VIPR2: variants seen among roughly 807,000 people sequenced by gnomAD.
VIPR2 encodes vasoactive intestinal peptide receptor 2, also known as vasoactive intestinal polypeptide receptor 2.
A neutral mutation model predicts 58.0 loss-of-function variants in VIPR2; 48 were observed. The observed-to-expected ratio is 0.83, with a 90% confidence interval of 0.66 to 1.05. VIPR2 has a LOEUF of 1.05. Ranked by LOEUF, VIPR2 falls within the 50% of genes least tolerant of loss-of-function variation. The pLI is 0.00. For missense variants in VIPR2, 534 were observed against 558.0 expected (o/e 0.96, Z 0.43); for synonymous variants, 243 against 235.2 (o/e 1.03, Z -0.30).
chr7:159,046,651 G>T (rs1434803957), intron 5 of VIPR2, among the ~76,000 whole-genome samples: 2 of 152,158 alleles, frequency 1.3e-5, no homozygotes, highest in Non-Finnish European at 2.9e-5. Flanking sequence ...AAGGAATTGT[G>T]TACCTTAAGA....
intron 7 of VIPR2, 30 bp downstream of exon 7, chr7:159,036,722 G>A (rs1471147646): frequency 6.3e-7 from 1 of 1,599,334 alleles, no homozygotes; most frequent in Admixed American, 1.7e-5. Flanking sequence ...ATGGGATGGA[G>A]GGTTTGTGGG....
In VIPR2 at chr7:159,099,768, T is replaced by C. The variant is rs1585490491; in HGVS notation, c.357+3989A>G. ...CGGGGATCCCACCTGGACCTTGAAA[T>C]CCCCCCCAGGCCACAGAAGCCCCTG... is the stretch of plus-strand genomic sequence containing the variant. On this transcript the variant is annotated intron_variant, in intron 4 of 12. Coordinates refer to ENST00000262178, the MANE Select transcript of VIPR2 (RefSeq NM_003382.5). The surrounding 1 kb of genome is among the most constrained non-coding windows in gnomAD (Gnocchi z 4.2). 6.6e-6 allele frequency among the ~76,000 whole-genome samples: 1 copy of C among 151,150 alleles called. No homozygotes were observed. Among genetic ancestry groups the C allele is most frequent in the Non-Finnish European group, 1.5e-5 (1 of 67,810 alleles).
intron 2 of VIPR2, among the ~76,000 whole-genome samples, chr7:159,113,497 T>G (rs1796120741): frequency 6.6e-6 from 1 of 152,086 alleles, no homozygotes; most frequent in African/African-American, 2.4e-5. Flanking sequence ...CTTCACCATC[T>G]CGGTGTCTGA....
intron 2 of VIPR2, among the ~76,000 whole-genome samples, chr7:159,141,119 A>G (rs1463553121): frequency 6.6e-6 from 1 of 152,164 alleles, no homozygotes; most frequent in Non-Finnish European, 1.5e-5. Context: ...TTTCACTGGA[A>G]GAAGGACCTC....
intron 2 of VIPR2, among the ~76,000 whole-genome samples, chr7:159,139,891 A>C (rs897427773): frequency 2.0e-5 from 3 of 152,276 alleles, no homozygotes; most frequent in African/African-American, 7.2e-5. Flanking sequence ...GGGCCATGGA[A>C]ACAGGGCTGG....
intron 2 of VIPR2, among the ~76,000 whole-genome samples, chr7:159,141,351 C>T (rs915407223): frequency 2.0e-5 from 3 of 152,248 alleles, no homozygotes; most frequent in Non-Finnish European, 4.4e-5. Flanking sequence ...GAAGAAGCCT[C>T]GGAGGCAGAG....
chr7:159,050,817 C>T (rs1174372853), intron 5 of VIPR2, among the ~76,000 whole-genome samples: 3 of 152,060 alleles, frequency 2.0e-5, no homozygotes, highest in Non-Finnish European at 4.4e-5. Context: ...TGAAGAAAAC[C>T]ACCTTAAGTC....
At position 159,135,004 on chromosome 7, in the gene VIPR2, G is replaced by GTTTTTTTTTTTTTT. The variant is rs747914292; in HGVS notation, c.151+7428_151+7441dup. ...TATTGGTCTTCTCTTAATTACAAAA[G>GTTTTTTTTTTTTTT]TTTTTTTTTTTTTTTTTTTTTTTTT... On this transcript the variant is annotated intron_variant, in intron 2 of 12. Transcript: ENST00000262178. Among the ~76,000 whole-genome samples, 120 of 65,864 alleles carry GTTTTTTTTTTTTTT rather than the reference G, an allele frequency of 1.8e-3. 3 individuals carry two copies. Among genetic ancestry groups the GTTTTTTTTTTTTTT allele is most frequent in the Non-Finnish European group, 2.8e-3 (100 of 35,212 alleles). The allele number at this position is 65,864 out of a possible 152,430, so 43.2% of individuals were successfully genotyped here.
intron 2 of VIPR2, among the ~76,000 whole-genome samples, chr7:159,133,464 G>GA (rs1338525345): frequency 2.0e-5 from 3 of 152,270 alleles, no homozygotes; most frequent in Admixed American, 6.5e-5. Context: ...GAACACTGTA[G>GA]AAAAAAACTG....
At chr7:159,066,104 G>C (rs979815571) in intron 4 of VIPR2, among the ~76,000 whole-genome samples, 1 of 150,140 alleles carries the variant, frequency 6.7e-6, no homozygotes, top group African/African-American at 2.5e-5. Context: ...TGCAGCGTCC[G>C]TGGGATTCCA....
Position 159,030,596 on chromosome 7 carries a change from T to C in VIPR2, c.*20A>G. 1 of 1,513,474 alleles carries C rather than the reference T, an allele frequency of 6.6e-7. No homozygotes were observed. Among genetic ancestry groups the C allele is most frequent in the Non-Finnish European group, 8.9e-7 (1 of 1,127,526 alleles). The allele number at this position is 1,513,474 out of a possible 1,614,324, so 93.8% of individuals were successfully genotyped here. A position where few individuals can be genotyped will look rare whatever the true frequency, so the allele number is the denominator to read the frequency against. The stretch of plus-strand genomic sequence containing the variant: ...CCCGAACCGTGGGCCTCCCGCCGCG[T>C]CCGACAGGCAGGGGTGGGGCTAGAT... On this transcript the variant is annotated 3_prime_UTR_variant, in exon 13 of 13. Transcript: ENST00000262178.
intron 6 of VIPR2, among the ~76,000 whole-genome samples, chr7:159,041,236 C>T (rs531248560): frequency 4.1e-4 from 62 of 152,342 alleles, no homozygotes; most frequent in African/African-American, 1.3e-3. Context: ...CAGGCCCTCC[C>T]GGTGGGGCAG....
intron 4 of VIPR2, among the ~76,000 whole-genome samples, chr7:159,078,679 C>T (rs1196230296): frequency 1.3e-5 from 2 of 152,196 alleles, no homozygotes; most frequent in Non-Finnish European, 2.9e-5. Flanking sequence ...TTACATTAGG[C>T]AACCACACAG....
intron 4 of VIPR2, among the ~76,000 whole-genome samples, chr7:159,068,371 T>C (rs1054942956): frequency 3.3e-5 from 5 of 152,242 alleles, no homozygotes; most frequent in African/African-American, 9.6e-5. Flanking sequence ...TCAGCATTAA[T>C]GGCAAAGCCA....
intron 2 of VIPR2, among the ~76,000 whole-genome samples, chr7:159,135,875 G>A (rs1442854448): frequency 1.3e-5 from 2 of 152,090 alleles, no homozygotes; most frequent in African/African-American, 2.4e-5. Context: ...AATGTCAGCC[G>A]GACGGTTTAA....
chr7:159,031,887 G>A lies in VIPR2; in HGVS notation c.1102-18C>T. On this transcript the variant is annotated intron_variant, in intron 11 of 12. Transcript: ENST00000262178. This position sits in a 1 kb window ranked among gnomAD's most constrained non-coding sequence, Gnocchi z 4.0. The stretch of plus-strand genomic sequence containing the variant: ...ACCAGGCCCTGCAATGAGAAGAGAT[G>A]GTCAGGCAGGACCCGCGCTCGGGGG... 1 of 1,614,084 alleles carries A rather than the reference G, an allele frequency of 6.2e-7. No homozygotes were observed. The highest frequency in any genetic ancestry group is 8.5e-7 in the Non-Finnish European group (1 of 1,180,024).
intron 4 of VIPR2, among the ~76,000 whole-genome samples, chr7:159,087,265 T>A (rs1283402037): frequency 8.4e-6 from 1 of 119,180 alleles, no homozygotes; most frequent in African/African-American, 3.4e-5. Context: ...ATAACCACAC[T>A]CTGCCAGGAT....
intron 2 of VIPR2, among the ~76,000 whole-genome samples, chr7:159,112,450 TTCTC>T (rs1223286680): frequency 2.0e-5 from 3 of 152,216 alleles, no homozygotes; most frequent in Admixed American, 1.3e-4. Flanking sequence ...ACACAGGAGT[TTCTC>T]TCTCAGCTTC....
Position 159,144,732 on chromosome 7 carries a change from G to A in VIPR2, c.40C>T (p.Leu14=). ...GCGGGCGCACTCACGGGGGCGAGCAGCCAGCAGGTCAGCAGCGCGGGAGGC... is the reference window on the plus strand; with the variant it reads ...GCGGGCGCACTCACGGGGGCGAGCAACCAGCAGGTCAGCAGCGCGGGAGGC... The part of the protein sequence containing the change: ...LLPPALLTCW[L]LAPVNSIHPE... Residue 14 remains leucine, a synonymous_variant, in exon 1 of 13, where the codon CTG becomes TTG. Coordinates refer to ENST00000262178, the MANE Select transcript of VIPR2 (RefSeq NM_003382.5). The A allele has an allele frequency of 1.5e-6, 2 of 1,324,282 alleles. No homozygotes were observed. The highest frequency in any genetic ancestry group is 1.9e-6 in the Non-Finnish European group (2 of 1,039,306). 82.0% of individuals were successfully genotyped at this position (1,324,282 alleles called of 1,614,324 possible). A position where few individuals can be genotyped will look rare whatever the true frequency, so the allele number is the denominator to read the frequency against.
Sources: gnomAD v4.1 joint callset for allele counts (sites outside exome capture counted in the v4.1 genomes callset) on GRCh38, gnomAD v4.1.1 for gene constraint, Gnocchi (gnomAD v3.1) non-coding constraint, MANE v1.5 for transcripts, NCBI Gene and HGNC (gene_info 2026-07-23, HGNC 2026-07-21) for gene names.